GALNT10: variants seen among roughly 807,000 people sequenced by gnomAD.
The protein encoded by GALNT10 is polypeptide N-acetylgalactosaminyltransferase 10.
In GALNT10, 41 loss-of-function variants were observed where a neutral mutation model predicts 75.0. The ratio of observed to expected loss-of-function variants is 0.55; its 90% CI spans 0.43 to 0.71. GALNT10 has a LOEUF of 0.71. Ranked by LOEUF, GALNT10 falls within the 30% of genes least tolerant of loss-of-function variation. The pLI, the probability that GALNT10 is intolerant of heterozygous loss-of-function variation, is 0.00. For missense variants in GALNT10, 727 were observed against 818.5 expected (o/e 0.89, Z 1.36); for synonymous variants, 302 against 313.0 (o/e 0.96, Z 0.37).
At chr5:154,338,170 T>C in intron 4 of GALNT10, 1 of 790,348 alleles carries the variant, frequency 1.3e-6, no homozygotes, top group African/African-American at 1.7e-5. Context: ...CAGCTCTCTT[T>C]GGTTCTGCAA....
At chr5:154,347,920 T>C (rs1012331945) in intron 4 of GALNT10, among the ~76,000 whole-genome samples, 6 of 152,228 alleles carry the variant, frequency 3.9e-5, no homozygotes, top group African/African-American at 1.4e-4. Context: ...TGGAAAATTT[T>C]AAATTTAAAT....
intron 3 of GALNT10, among the ~76,000 whole-genome samples, chr5:154,301,203 A>G (rs576235143): frequency 1.3e-5 from 2 of 152,312 alleles, no homozygotes; most frequent in South Asian, 2.1e-4. Context: ...ATTAACCTTT[A>G]TCTGAAATTT....
chr5:154,364,974 T>A (rs968387835), intron 4 of GALNT10, among the ~76,000 whole-genome samples: 1 of 152,198 alleles, frequency 6.6e-6, no homozygotes, highest in Non-Finnish European at 1.5e-5. Context: ...AGGGGTGGTT[T>A]CTGGAGTGTT....
chr5:154,247,148 T>C (rs986791263), intron 1 of GALNT10, among the ~76,000 whole-genome samples: 13 of 152,224 alleles, frequency 8.5e-5, no homozygotes, highest in Admixed American at 7.2e-4. Context: ...CTGAGGGCAC[T>C]GTTCTGTTCC....
chr5:154,208,903 G>A (rs1054456761), intron 1 of GALNT10, among the ~76,000 whole-genome samples: 5 of 152,268 alleles, frequency 3.3e-5, no homozygotes, highest in East Asian at 1.9e-4. Context: ...AGAGGCCCCC[G>A]TAAGCTGAGA....
chr5:154,218,155 G>A (rs1227084725), intron 1 of GALNT10: 7 of 984,822 alleles, frequency 7.1e-6, no homozygotes, highest in Non-Finnish European at 8.4e-6. Context: ...TTCAGGTGGG[G>A]ATGACATTTT....
intron 1 of GALNT10, among the ~76,000 whole-genome samples, chr5:154,274,683 C>T (rs2113043537): frequency 6.6e-6 from 1 of 152,278 alleles, no homozygotes; most frequent in South Asian, 2.1e-4. Flanking sequence ...TCAACCAGCT[C>T]AGGAATTGCA....
At chr5:154,382,685 G>T (rs182123693) in intron 6 of GALNT10, among the ~76,000 whole-genome samples, 80 of 152,318 alleles carry the variant, frequency 5.3e-4, no homozygotes, top group Admixed American at 3.7e-3. Context: ...GTTAGAATAG[G>T]CTGCTCCAGA....
chr5:154,319,534 C>A (rs980016715), intron 3 of GALNT10, among the ~76,000 whole-genome samples: 4 of 152,228 alleles, frequency 2.6e-5, no homozygotes, highest in Admixed American at 2.6e-4. Flanking sequence ...GGTTAACACT[C>A]TCTGCTTCAT....
chr5:154,338,434 C>T, intron 4 of GALNT10: 1 of 367,574 alleles, frequency 2.7e-6, no homozygotes, highest in Non-Finnish European at 5.2e-6. Flanking sequence ...GGCTCTTTAG[C>T]AGACTCTGAC....
chr5:154,228,297 C>A (rs1753093488), intron 1 of GALNT10, among the ~76,000 whole-genome samples: 1 of 152,226 alleles, frequency 6.6e-6, no homozygotes, highest in South Asian at 2.1e-4. Context: ...TCTACTGATA[C>A]TCAGTTGTTC....
chr5:154,392,942 G>A (rs1006722106), intron 7 of GALNT10: 5 of 148,860 alleles, frequency 3.4e-5, no homozygotes, highest in African/African-American at 1.2e-4. Context: ...TTGCTGAAGT[G>A]TTACTTACCA....
rs1756424397 is a variant in GALNT10 at position 154,412,747 on chromosome 5, A to T, written c.1387-142A>T. The T allele has an allele frequency of 1.4e-6, 1 of 711,290 alleles. No individual in the cohort carries two copies. Among genetic ancestry groups the T allele is most frequent in the Admixed American group, 1.9e-5 (1 of 51,588 alleles). 44.1% of individuals were successfully genotyped at this position (711,290 alleles called of 1,614,324 possible). On this transcript the variant is annotated intron_variant, in intron 9 of 11. Coordinates refer to ENST00000297107, the MANE Select transcript of GALNT10 (RefSeq NM_198321.4). The surrounding 1 kb of genome is among the most constrained non-coding windows in gnomAD (Gnocchi z 4.2). ...TTGAGAGGCTCAAGGTACTTCCAAC[A>T]GCCCAGGGCAAGCTTTATCAAGACG...
Position 154,214,866 on chromosome 5 carries a change from TAACCTCAGAGCAATTACTTA to T in GALNT10, c.159+23845_159+23864del, listed in dbSNP as rs1437200005. 2.0e-5 allele frequency among the ~76,000 whole-genome samples: 3 copies of T among 152,220 alleles called. 1 individual carries two copies. The highest frequency in any genetic ancestry group is 4.4e-5 in the Non-Finnish European group (3 of 68,028). On this transcript the variant is annotated intron_variant, in intron 1 of 11. Transcript: ENST00000297107. ...CAGCAATTACTGCTTTCCAACTGCC[TAACCTCAGAGCAATTACTTA>T]AACTCAGAGCCCCTGCCCCACTTCT...
rs1554092838 is a variant in GALNT10, at chr5:154,190,800, G to GGCGGACGC, written c.-61_-54dup. On this transcript the variant is annotated 5_prime_UTR_variant, in exon 1 of 12. Coordinates refer to ENST00000297107, the MANE Select transcript of GALNT10 (RefSeq NM_198321.4). Reference sequence around the variant, plus strand: ...AGCTGCTGCCGCCGCCGGGCGGACGGGCGGACGCGCGGAGCTGGGGGCGGC... The same window carrying GGCGGACGC: ...AGCTGCTGCCGCCGCCGGGCGGACGGGCGGACGCGCGGACGCGCGGAGCTGGGGGCGGC... 1.7e-5 allele frequency: 15 copies of GGCGGACGC among 866,994 alleles called. No homozygotes were observed. The highest frequency in any genetic ancestry group is 7.3e-5 in the African/African-American group (4 of 54,612). The allele number at this position is 866,994 out of a possible 1,614,324, so 53.7% of individuals were successfully genotyped here. A position where few individuals can be genotyped will look rare whatever the true frequency, so the allele number is the denominator to read the frequency against.
At chr5:154,293,613 A>ATATATTT in intron 1 of GALNT10, among the ~76,000 whole-genome samples, 1 of 109,418 alleles carries the variant, frequency 9.1e-6, no homozygotes, top group South Asian at 2.5e-4. Flanking sequence ...ATATATATAT[A>ATATATTT]TTTTTTTTTT....
rs1194550444 is a variant in GALNT10, at chr5:154,403,997, A to G, written c.1057-107A>G. On this transcript the variant is annotated intron_variant, in intron 7 of 11. Transcript: ENST00000297107. ...AGGTCTGTGATCCAGGCTTCAGCAG[A>G]CAATCCAGGCTGATGCTTTTGCTGA... The G allele has an allele frequency of 1.9e-5, 16 of 854,290 alleles. No homozygotes were observed. The Admixed American group carries it at 2.8e-4, about 15-fold the overall frequency. The allele number at this position is 854,290 out of a possible 1,614,324, so 52.9% of individuals were successfully genotyped here.
chr5:154,378,099 TG>T (rs1755684308), intron 5 of GALNT10, among the ~76,000 whole-genome samples: 2 of 152,352 alleles, frequency 1.3e-5, no homozygotes, highest in South Asian at 4.1e-4. Flanking sequence ...TTTTGTTTTT[TG>T]CTTCTTCCAA....
intron 7 of GALNT10, among the ~76,000 whole-genome samples, chr5:154,401,228 C>A (rs1189372052): frequency 6.6e-6 from 1 of 152,234 alleles, no homozygotes; most frequent in Non-Finnish European, 1.5e-5. Flanking sequence ...AAGTTAGGTG[C>A]CTCTGCCAAG....
Sources: allele counts gnomAD v4.1 joint callset (sites outside exome capture counted in the v4.1 genomes callset), GRCh38; gene constraint gnomAD v4.1.1; non-coding constraint Gnocchi (gnomAD v3.1); transcripts MANE v1.5; gene names NCBI Gene and HGNC (gene_info 2026-07-23, HGNC 2026-07-21).